Variants in RLIM observed in about 807,000 individuals in gnomAD.
The protein encoded by RLIM is E3 ubiquitin-protein ligase RLIM.
RLIM carries 2 observed loss-of-function variants against 34.0 expected under a neutral mutation model. That is an observed-to-expected ratio of 0.06 (90% confidence interval 0.02 to 0.19). The LOEUF (loss-of-function observed/expected upper bound fraction) is 0.19, where lower values mean the gene tolerates loss of function less well. Ranked by LOEUF, RLIM falls within the 10% of genes least tolerant of loss-of-function variation. RLIM has a pLI of 1.00. For missense variants in RLIM, 286 were observed against 479.7 expected (o/e 0.60, Z 3.77); for synonymous variants, 169 against 164.0 (o/e 1.03, Z -0.23).
At chrX:74,603,937 C>T (rs1427285981) in intron 1 of RLIM, among the ~76,000 whole-genome samples, 1 of 109,854 alleles carries the variant, frequency 9.1e-6, no homozygotes, top group African/African-American at 3.3e-5. Flanking sequence ...AGTGAAACCC[C>T]GTCTCTACTA....
chrX:74,592,722 G>A lies in RLIM; in HGVS notation c.593C>T (p.Ala198Val), dbSNP rs751112634. 15 of 1,209,965 alleles carry A rather than the reference G, an allele frequency of 1.2e-5. No homozygotes were observed. Among genetic ancestry groups the A allele is most frequent in the African/African-American group, 1.7e-5 (1 of 57,147 alleles). ...TCTGGTAGGTGGGACCTCTGTTAAC[G>A]CTTCAGTTGAATTTCGTTCTGATCT... ...PSRSERNSTE[A>V]LTEVPPTRGQ... Residue 198 changes from alanine (A) to valine (V), a missense_variant, in exon 4 of 4, where the codon GCG becomes GTG. This residue lies in a region of RLIM where 121 missense variants were observed against 182.4 expected (regional missense o/e 0.66). Transcript: ENST00000332687.
chrX:74,587,207 C>T lies in RLIM; in HGVS notation c.*4233G>A, dbSNP rs978505680. 2.7e-5 allele frequency: 3 copies of T among 111,777 alleles called. No individual in the cohort carries two copies. Among genetic ancestry groups the T allele is most frequent in the African/African-American group, 9.7e-5 (3 of 30,776 alleles). 9.2% of individuals were successfully genotyped at this position (111,777 alleles called of 1,213,427 possible). ...CATTTTTCATGTTTTTTCAAAAGCA[C>T]ACAATTTACTAGTTAACTCAATGAA... is the stretch of plus-strand genomic sequence containing the variant. On this transcript the variant is annotated 3_prime_UTR_variant, in exon 4 of 4. Coordinates refer to ENST00000332687, the MANE Select transcript of RLIM (RefSeq NM_016120.4).
chrX:74,583,786 G>A lies in RLIM; in HGVS notation c.*7654C>T, dbSNP rs1445532496. Reference sequence around the variant, plus strand: ...TTTGCGGCCGGGCGTGGTGGCTCACGCCTGTAATACCACCACTGTGGGAGG... The same window carrying A: ...TTTGCGGCCGGGCGTGGTGGCTCACACCTGTAATACCACCACTGTGGGAGG... On this transcript the variant is annotated 3_prime_UTR_variant, in exon 4 of 4. Transcript: ENST00000332687. Among the ~76,000 whole-genome samples the A allele has an allele frequency of 1.8e-5, 2 of 111,834 alleles. No individual in the cohort carries two copies. Among genetic ancestry groups the A allele is most frequent in the Non-Finnish European group, 3.8e-5 (2 of 53,172 alleles).
At chrX:74,596,305 G>T (rs2079639827) in intron 1 of RLIM, among the ~76,000 whole-genome samples, 1 of 112,416 alleles carries the variant, frequency 8.9e-6, no homozygotes, top group Admixed American at 9.4e-5. Context: ...GAGTGTAGTG[G>T]TGCGATCTCA....
rs761979894 is a variant in RLIM, at chrX:74,592,477, A to G, written c.838T>C (p.Leu280=). The part of the protein sequence containing the change: ...TLRQQISGPE[L]LSRGLFAASG... ...GCTGCAAAAAGACCTCTACTTAGCA[A>G]CTCAGGCCCAGATATTTGCTGCCTC... The change falls in exon 4 of 4, where the codon TTG becomes CTG. Residue 280 remains leucine (L), a synonymous_variant. Transcript: ENST00000332687. 7.4e-6 allele frequency: 9 copies of G among 1,211,532 alleles called. No individual in the cohort carries two copies. The highest frequency in any genetic ancestry group is 7.8e-6 in the Non-Finnish European group (7 of 895,440).
At chrX:74,597,947 C>A (rs1475496994) in intron 1 of RLIM, among the ~76,000 whole-genome samples, 1 of 112,125 alleles carries the variant, frequency 8.9e-6, no homozygotes, top group African/African-American at 3.2e-5. Context: ...CAATAAATAG[C>A]TTGGAAAATT....
intron 1 of RLIM, among the ~76,000 whole-genome samples, chrX:74,609,965 C>T (rs1047592236): frequency 2.7e-5 from 3 of 112,173 alleles, no homozygotes; most frequent in African/African-American, 3.2e-5. Flanking sequence ...ATCATGGAAA[C>T]GCCATTAGAC....
rs1268101770 is a variant in RLIM at position 74,588,990 on chromosome X, G to A, written c.*2450C>T. 8.9e-6 allele frequency: 1 copy of A among 111,966 alleles called. No individual in the cohort carries two copies. Among genetic ancestry groups the A allele is most frequent in the African/African-American group, 3.2e-5 (1 of 30,770 alleles). The allele number at this position is 111,966 out of a possible 1,213,427, so 9.2% of individuals were successfully genotyped here. A position where few individuals can be genotyped will look rare whatever the true frequency, so the allele number is the denominator to read the frequency against. On this transcript the variant is annotated 3_prime_UTR_variant, in exon 4 of 4. Coordinates refer to ENST00000332687, the MANE Select transcript of RLIM (RefSeq NM_016120.4). ...GAAATCCGTGAGTGCTACTGAAAAA[G>A]GTGTTCACATGCACATGTCCAATAT...
At chrX:74,602,656 G>C (rs1028651823) in intron 1 of RLIM, among the ~76,000 whole-genome samples, 1 of 111,405 alleles carries the variant, frequency 9.0e-6, no homozygotes, top group African/African-American at 3.3e-5. Flanking sequence ...AGAATGGCAT[G>C]AACCTGGGAG....
intron 1 of RLIM, among the ~76,000 whole-genome samples, chrX:74,600,668 GA>G (rs1479802206): frequency 3.6e-5 from 4 of 110,655 alleles, no homozygotes; most frequent in Non-Finnish European, 7.6e-5. Context: ...AAATAAAAGA[GA>G]AAACTCACAT....
intron 1 of RLIM, among the ~76,000 whole-genome samples, chrX:74,610,192 G>A (rs1344804378): frequency 5.4e-5 from 6 of 110,864 alleles, no homozygotes; most frequent in East Asian, 5.7e-4. Context: ...CAAGGCGGGC[G>A]GATCACCTGA....
intron 1 of RLIM, among the ~76,000 whole-genome samples, chrX:74,610,468 C>CA (rs755948111): frequency 0.13 from 12,306 of 91,446 alleles, 714 homozygotes; most frequent in African/African-American, 0.19. Context: ...CAAAAAAAAC[C>CA]AAAAAAAAAA....
intron 1 of RLIM, among the ~76,000 whole-genome samples, chrX:74,603,127 CT>C (rs1205136873): frequency 9.1e-5 from 10 of 110,381 alleles, no homozygotes; most frequent in African/African-American, 3.3e-4. Context: ...ACCATTTGGA[CT>C]AAAATGCTAT....
Position 74,589,532 on chromosome X carries a change from C to G in RLIM, c.*1908G>C, listed in dbSNP as rs1393816895. On this transcript the variant is annotated 3_prime_UTR_variant, in exon 4 of 4. Transcript: ENST00000332687. Reference sequence around the variant, plus strand: ...GTACATATCCTTAGTAAACAACTACCATATTTACAAGTTAATTTCCTTGAT... The same window carrying G: ...GTACATATCCTTAGTAAACAACTACGATATTTACAAGTTAATTTCCTTGAT... 1.8e-5 allele frequency: 2 copies of G among 112,099 alleles called. No individual in the cohort carries two copies. The highest frequency in any genetic ancestry group is 6.5e-5 in the African/African-American group (2 of 30,918). 9.2% of individuals were successfully genotyped at this position (112,099 alleles called of 1,213,427 possible).
At position 74,605,922 on chromosome X, in the gene RLIM, C is replaced by G. The variant is rs1216461879; in HGVS notation, c.-24+8500G>C. 4.5e-5 allele frequency among the ~76,000 whole-genome samples: 5 copies of G among 111,838 alleles called. No individual in the cohort carries two copies. The Admixed American group carries it at 4.8e-4, about 11-fold the overall frequency. ...CATGTGACTAGTAAGTGGGAAAGGG[C>G]CAGTAATTAAATCCAGGTCTCTGCA... On this transcript the variant is annotated intron_variant, in intron 1 of 3. Transcript: ENST00000332687.
At chrX:74,602,821 T>C (rs1355039955) in intron 1 of RLIM, among the ~76,000 whole-genome samples, 3 of 111,098 alleles carry the variant, frequency 2.7e-5, no homozygotes, top group Non-Finnish European at 3.8e-5. Flanking sequence ...TGGAGGTAGT[T>C]AGCCTGGAGA....
chrX:74,601,617 C>T, intron 1 of RLIM, among the ~76,000 whole-genome samples: 1 of 111,675 alleles, frequency 9.0e-6, no homozygotes, highest in East Asian at 2.8e-4. Context: ...GGGGAGCTTT[C>T]TCTGGGGTTG....
chrX:74,595,084 G>A (rs976611437), intron 2 of RLIM, among the ~76,000 whole-genome samples: 1 of 110,567 alleles, frequency 9.0e-6, no homozygotes, highest in Non-Finnish European at 1.9e-5. Context: ...GCTTTGAGAG[G>A]AGGATATTGT....
At chrX:74,613,262 C>G (rs1266113640) in intron 1 of RLIM, among the ~76,000 whole-genome samples, 2 of 111,159 alleles carry the variant, frequency 1.8e-5, no homozygotes, top group Non-Finnish European at 3.8e-5. Flanking sequence ...TTCCCCCTTT[C>G]AATCAGTCCA....
Sources: allele counts gnomAD v4.1 joint callset (sites outside exome capture counted in the v4.1 genomes callset), GRCh38; gene constraint gnomAD v4.1.1; regional missense constraint gnomAD v4.1.1; transcripts MANE v1.5; gene names NCBI Gene and HGNC (gene_info 2026-07-23, HGNC 2026-07-21).